ODF2: variants seen among roughly 807,000 people sequenced by gnomAD.
ODF2 encodes the protein outer dense fiber of sperm tails 2, also known as outer dense fiber protein 2.
In ODF2, 47 loss-of-function variants were observed where a neutral mutation model predicts 110.2. The observed-to-expected ratio is 0.43, with a 90% CI of 0.34 to 0.54. ODF2 has a LOEUF of 0.54. Ranked by LOEUF, ODF2 falls within the 20% of genes least tolerant of loss-of-function variation. The pLI is 0.03. For missense variants in ODF2, 812 were observed against 1,054.5 expected (o/e 0.77, Z 3.19); for synonymous variants, 352 against 397.7 (o/e 0.89, Z 1.37).
intron 4 of ODF2, among the ~76,000 whole-genome samples, chr9:128,467,286 G>A (rs1332140761): frequency 1.3e-5 from 2 of 151,460 alleles, no homozygotes; most frequent in African/African-American, 2.4e-5. Flanking sequence ...TTTGCATATT[G>A]AAACATAGTA....
Position 128,487,897 on chromosome 9 carries a change from A to G in ODF2, c.1408A>G (p.Thr470Ala). 1 of 1,614,046 alleles carries G rather than the reference A, an allele frequency of 6.2e-7. No homozygotes were observed. Among genetic ancestry groups the G allele is most frequent in the Non-Finnish European group, 8.5e-7 (1 of 1,179,994 alleles). The change falls in exon 14 of 21, where the codon ACA becomes GCA. Residue 470 changes from threonine to alanine, a missense_variant. Thr to Ala is a moderately conservative substitution (Grantham distance 58). This residue lies in a region of ODF2 where 165 missense variants were observed against 293.4 expected (regional missense o/e 0.56). Coordinates refer to ENST00000604420, the Ensembl canonical transcript of ODF2. Reference sequence around the variant, plus strand: ...CACTTTGTGATCTTCCAGCCGGGTAACAGATCTTGTAAACCAACAACAAAC... The same window carrying G: ...CACTTTGTGATCTTCCAGCCGGGTAGCAGATCTTGTAAACCAACAACAAAC...
intron 2 of ODF2, among the ~76,000 whole-genome samples, chr9:128,457,945 T>TTA (rs1564450021): frequency 4.6e-4 from 27 of 58,072 alleles, no homozygotes; most frequent in South Asian, 3.9e-3. Flanking sequence ...ATATATATAT[T>TTA]TTTTTTTTTT....
intron 13 of ODF2, among the ~76,000 whole-genome samples, chr9:128,486,155 G>A (rs77475784): frequency 1.3e-5 from 2 of 152,278 alleles, no homozygotes; most frequent in South Asian, 2.1e-4. Context: ...AGAGGAGATA[G>A]GGCTACAAGA....
chr9:128,487,164 C>T (rs1199427321), intron 13 of ODF2, among the ~76,000 whole-genome samples: 9 of 152,188 alleles, frequency 5.9e-5, no homozygotes, highest in Admixed American at 6.5e-5. Context: ...TCACTGCAAC[C>T]TTCAACTGCT....
intron 4 of ODF2, among the ~76,000 whole-genome samples, chr9:128,463,348 G>A (rs796762210): frequency 6.6e-5 from 10 of 152,102 alleles, no homozygotes; most frequent in African/African-American, 1.9e-4. Flanking sequence ...GCTGGTTGCC[G>A]TGGCTTATAC....
intron 5 of ODF2, among the ~76,000 whole-genome samples, chr9:128,470,046 T>TATATATATATAA (rs1273553014): frequency 2.3e-4 from 13 of 56,662 alleles, no homozygotes; most frequent in East Asian, 9.5e-4. Context: ...TATATATATA[T>TATATATATATAA]AAATAAAAAA....
chr9:128,492,933 C>T, intron 16 of ODF2, 128 bp downstream of exon 16: 1 of 699,284 alleles, frequency 1.4e-6, no homozygotes, highest in Non-Finnish European at 2.5e-6. Context: ...CTCATTTTCT[C>T]ATTGGTGGGC....
intron 14 of ODF2, among the ~76,000 whole-genome samples, chr9:128,491,909 C>G (rs1343518076): frequency 1.3e-5 from 2 of 148,836 alleles, no homozygotes; most frequent in East Asian, 4.0e-4. Context: ...CTCTGTCGCC[C>G]AGGCTGGAGT....
intron 2 of ODF2, among the ~76,000 whole-genome samples, chr9:128,457,834 T>C (rs1041950504): frequency 1.3e-5 from 2 of 151,980 alleles, no homozygotes; most frequent in Admixed American, 1.3e-4. Flanking sequence ...TTCCCAAAGC[T>C]ATTGGCTTTA....
exon 5 of ODF2, chr9:128,469,314 T>G: frequency 1.9e-6 from 3 of 1,614,136 alleles, no homozygotes; most frequent in Non-Finnish European, 2.5e-6. Context: ...ATAAGAAGAT[T>G]GATAGTCTAA....
intron 8 of ODF2, among the ~76,000 whole-genome samples, chr9:128,475,329 G>A (rs1209533765): frequency 7.3e-6 from 1 of 137,484 alleles, no homozygotes; most frequent in Non-Finnish European, 1.5e-5. Flanking sequence ...ACCAAGGGAT[G>A]ACTGTAGTTC....
upstream of ODF2, chr9:128,455,860 A>C (rs1834649537): frequency 2.1e-6 from 2 of 969,266 alleles, no homozygotes; most frequent in Admixed American, 3.5e-5. Flanking sequence ...CCTTTGAGTG[A>C]GGGGAATCCG....
At position 128,459,656 on chromosome 9, in the gene ODF2, C is replaced by T. The variant is rs780721900; in HGVS notation, c.122C>T (p.Thr41Met). ...TGTGGCGCACCCAGTGTAACTGTGA[C>T]GGTAGGTGATGCACTCACGTAGCAG... Residue 41 changes from threonine to methionine, a missense_variant and splice_region_variant, in exon 3 of 21, where the codon ACG (threonine) becomes ATG (methionine). By Grantham distance (81) the Thr-to-Met change is moderately conservative. Transcript: ENST00000604420. The T allele has an allele frequency of 1.5e-5, 24 of 1,611,350 alleles. No individual in the cohort carries two copies. In the African/African-American group the frequency reaches 2.0e-4, roughly 13 times the overall value.
At chr9:128,460,063 GCTTT>G (rs920612922) in intron 3 of ODF2, 2 of 1,094,516 alleles carry the variant, frequency 1.8e-6, no homozygotes, top group African/African-American at 3.2e-5. Context: ...ATTTCCTTCA[GCTTT>G]CTGTTTTCCT....
rs1385542107 is a variant in ODF2 at position 128,496,165 on chromosome 9, C to T, written c.2012+24C>T. ...AGGTTAGAGGCACTTGGTCCCATCTCTGTCCTCTTCCTAGGACCTGAGACT... is the reference window on the plus strand; with the variant it reads ...AGGTTAGAGGCACTTGGTCCCATCTTTGTCCTCTTCCTAGGACCTGAGACT... On this transcript the variant is annotated intron_variant, in intron 18 of 20. Coordinates refer to ENST00000604420, the Ensembl canonical transcript of ODF2. 1.9e-6 allele frequency: 3 copies of T among 1,613,140 alleles called. No homozygotes were observed. In the African/African-American group the frequency reaches 4.0e-5, roughly 22 times the overall value.
chr9:128,479,004 A>G (rs887908188), intron 8 of ODF2, among the ~76,000 whole-genome samples: 6 of 152,176 alleles, frequency 3.9e-5, no homozygotes, highest in African/African-American at 1.4e-4. Flanking sequence ...TCATGCACAT[A>G]GGATGGCAGA....
Position 128,489,143 on chromosome 9 carries a change from C to T in ODF2, c.1536+1118C>T, listed in dbSNP as rs932699283. On this transcript the variant is annotated intron_variant, in intron 14 of 20. Transcript: ENST00000604420. ...TGACTCGAGCCCTAGCTCTTAAACT[C>T]ACCATACCCACTTCCAGCCTGCCAG... Among the ~76,000 whole-genome samples the T allele has an allele frequency of 2.0e-5, 3 of 152,316 alleles. No individual in the cohort carries two copies. In the East Asian group the frequency reaches 5.8e-4, roughly 29 times the overall value.
At chr9:128,460,835 T>G in intron 3 of ODF2, 107 bp from the exon 4 acceptor site, 1 of 1,536,314 alleles carries the variant, frequency 6.5e-7, no homozygotes, top group Admixed American at 1.7e-5. Flanking sequence ...GCAACAGCAG[T>G]AACATTAGTC....
Position 128,494,838 on chromosome 9 carries a change from G to A in ODF2, c.1911+170G>A. The A allele has an allele frequency of 6.7e-7, 1 of 1,502,820 alleles. No individual in the cohort carries two copies. Among genetic ancestry groups the A allele is most frequent in the Non-Finnish European group, 8.9e-7 (1 of 1,126,206 alleles). The allele number at this position is 1,502,820 out of a possible 1,614,324, so 93.1% of individuals were successfully genotyped here. On this transcript the variant is annotated intron_variant, in intron 17 of 20. Coordinates refer to ENST00000604420, the Ensembl canonical transcript of ODF2. This position sits in a 1 kb window ranked among gnomAD's most constrained non-coding sequence, Gnocchi z 4.6. The stretch of plus-strand genomic sequence containing the variant: ...GAAATAAAAGTCTGGTGTGCCAAAT[G>A]CCATGTGTTTGCACAAAGTGATTGT...
Sources: allele counts gnomAD v4.1 joint callset (sites outside exome capture counted in the v4.1 genomes callset), GRCh38; gene constraint gnomAD v4.1.1; regional missense constraint gnomAD v4.1.1; non-coding constraint Gnocchi (gnomAD v3.1); transcripts MANE v1.5; gene names NCBI Gene and HGNC (gene_info 2026-07-23, HGNC 2026-07-21).